The following UQCC2 variants were observed in gnomAD, a reference collection of about 807,000 sequenced individuals.
UQCC2 encodes ubiquinol-cytochrome c reductase complex assembly factor 2, also known as breast cancer-associated protein SGA-81M.
Under a neutral mutation model 19.9 loss-of-function variants are expected in UQCC2, and 21 were observed. The observed-to-expected ratio is 1.05, with a 90% CI of 0.75 to 1.52. The LOEUF is 1.52. UQCC2 is among the 40% of genes most tolerant of loss of function. The pLI is 0.00. For synonymous variants in UQCC2, 57 were observed against 60.9 expected (o/e 0.94, Z 0.30); for missense variants, 135 against 157.5 (o/e 0.86, Z 0.76).
rs572698269 is a variant in UQCC2 at position 33,702,016 on chromosome 6, G to GT, written c.139-597dup. 1.7e-3 allele frequency among the ~76,000 whole-genome samples: 260 copies of GT among 151,458 alleles called. 1 individual carries two copies. The highest frequency in any genetic ancestry group is 6.0e-3 in the African/African-American group (246 of 41,176). Reference sequence around the variant, plus strand: ...TCAGGCCAGACCAGTAGATTCTTTTGTTTTTTTTGAGACAGTCTCTCACTC... The same window carrying GT: ...TCAGGCCAGACCAGTAGATTCTTTTGTTTTTTTTTGAGACAGTCTCTCACTC... On this transcript the variant is annotated intron_variant, in intron 1 of 3. Coordinates refer to ENST00000607484, the MANE Select transcript of UQCC2 (RefSeq NM_032340.4).
Position 33,697,450 on chromosome 6 carries a change from C to T in UQCC2, c.*203G>A. ...TCCTCTCCCCAGGAGATTTCCCTAC[C>T]CTGAGCAGCAGTCACAGCAGATAGC... On this transcript the variant is annotated 3_prime_UTR_variant, in exon 4 of 4. Coordinates refer to ENST00000607484, the MANE Select transcript of UQCC2 (RefSeq NM_032340.4). The T allele has an allele frequency of 1.8e-6, 1 of 543,122 alleles. No homozygotes were observed. Among genetic ancestry groups the T allele is most frequent in the Non-Finnish European group, 3.2e-6 (1 of 310,728 alleles). 33.6% of individuals were successfully genotyped at this position (543,122 alleles called of 1,614,324 possible). A position where few individuals can be genotyped will look rare whatever the true frequency, so the allele number is the denominator to read the frequency against.
At chr6:33,700,800 G>C (rs1016208631) in intron 2 of UQCC2, among the ~76,000 whole-genome samples, 1 of 152,238 alleles carries the variant, frequency 6.6e-6, no homozygotes, top group Non-Finnish European at 1.5e-5. Context: ...TGCCCATGCT[G>C]CTGCTCATGG....
At chr6:33,700,625 G>C (rs1321713519) in intron 2 of UQCC2, 112 bp from the exon 3 acceptor site, 4 of 1,108,128 alleles carry the variant, frequency 3.6e-6, no homozygotes, top group Non-Finnish European at 5.4e-6. Flanking sequence ...AGGAGGCCTA[G>C]CAAGGAGAAG....
chr6:33,708,304 G>A (rs1470933241), intron 1 of UQCC2, among the ~76,000 whole-genome samples: 1 of 152,226 alleles, frequency 6.6e-6, no homozygotes, highest in Non-Finnish European at 1.5e-5. Context: ...GAAAGGCCAG[G>A]CACCCAGGAG....
chr6:33,710,274 C>A (rs1045681425), intron 1 of UQCC2, among the ~76,000 whole-genome samples: 3 of 152,180 alleles, frequency 2.0e-5, no homozygotes, highest in Non-Finnish European at 4.4e-5. Context: ...ATAGCCCACT[C>A]ACCACATACA....
Position 33,700,514 on chromosome 6 carries a change from C to T in UQCC2, c.214-1G>A, listed in dbSNP as rs1765626607. 1.2e-6 allele frequency: 2 copies of T among 1,614,028 alleles called. No individual in the cohort carries two copies. Among genetic ancestry groups the T allele is most frequent in the Non-Finnish European group, 1.7e-6 (2 of 1,180,020 alleles). ...AGCTGGTGTCTCTGGGGCGAGGGTA[C>T]TGGTCACCGGGGCAGAAAGGAAGTG... On this transcript the variant is annotated splice_acceptor_variant, in intron 2 of 3. Transcript: ENST00000607484. LOFTEE classifies it high-confidence loss of function.
intron 1 of UQCC2, among the ~76,000 whole-genome samples, chr6:33,711,227 A>C (rs1302747716): frequency 6.6e-6 from 1 of 152,152 alleles, no homozygotes; most frequent in African/African-American, 2.4e-5. Context: ...TATGTTGCCC[A>C]GGAGGTCATC....
intron 1 of UQCC2, among the ~76,000 whole-genome samples, chr6:33,709,103 T>C (rs1765734765): frequency 6.6e-6 from 1 of 152,234 alleles, no homozygotes; most frequent in Non-Finnish European, 1.5e-5. Flanking sequence ...TGCTGGCTCC[T>C]CTTACACTAA....
intron 1 of UQCC2, among the ~76,000 whole-genome samples, chr6:33,707,835 C>G (rs1193053653): frequency 6.6e-6 from 1 of 152,236 alleles, no homozygotes; most frequent in Non-Finnish European, 1.5e-5. Context: ...TGTTCTTAGA[C>G]AAACTGTATT....
intron 3 of UQCC2, among the ~76,000 whole-genome samples, chr6:33,699,655 C>T (rs1457132339): frequency 1.3e-5 from 2 of 152,200 alleles, no homozygotes; most frequent in Non-Finnish European, 2.9e-5. Context: ...TAGCAGGTGA[C>T]ACCACCAGGT....
intron 1 of UQCC2, among the ~76,000 whole-genome samples, chr6:33,704,052 C>A (rs1176819711): frequency 6.6e-6 from 1 of 152,206 alleles, no homozygotes; most frequent in African/African-American, 2.4e-5. Flanking sequence ...ATAGCCCCTA[C>A]GTCCCCGGTG....
rs1765569001 is a variant in UQCC2 at position 33,697,012 on chromosome 6, A to T, written c.*641T>A. 1 of 152,336 alleles carries T rather than the reference A, an allele frequency of 6.6e-6. No individual in the cohort carries two copies. The allele number at this position is 152,336 out of a possible 1,614,324, so 9.4% of individuals were successfully genotyped here. A position where few individuals can be genotyped will look rare whatever the true frequency, so the allele number is the denominator to read the frequency against. ...GCCTCTGACTTGTGGCCACCTACAG[A>T]ACCTGCCCACAGTGCTGAAGCCAAC... On this transcript the variant is annotated 3_prime_UTR_variant, in exon 4 of 4. Transcript: ENST00000607484.
chr6:33,711,594 C>T lies in UQCC2; in HGVS notation c.93G>A (p.Leu31=), dbSNP rs745403238. ...GAAAGGCCTGTGCTACCCGCTGTCG[C>T]AGGTAAGCGCCCAAGTCCCGGCCCC... ...TKRGRDLGAY[L]RQRVAQAFRE... Residue 31 remains leucine, a synonymous_variant, in exon 1 of 4, where the codon CTG becomes CTA. Transcript: ENST00000607484. 2.5e-6 allele frequency: 4 copies of T among 1,613,988 alleles called. No individual in the cohort carries two copies. The Admixed American group carries it at 6.7e-5, about 27-fold the overall frequency.
chr6:33,700,175 C>A (rs779653176), intron 3 of UQCC2, among the ~76,000 whole-genome samples: 1 of 152,206 alleles, frequency 6.6e-6, no homozygotes, highest in Non-Finnish European at 1.5e-5. Flanking sequence ...CAACTACTTC[C>A]ATTTGGCAAA....
chr6:33,702,635 A>C lies in UQCC2; in HGVS notation c.139-1215T>G, dbSNP rs192097289. Reference sequence around the variant, plus strand: ...GAGGAGGTGTGGTCTTTTCTCTTGCACCTCTTCTAACTTTCCCTTTACTCT... The same window carrying C: ...GAGGAGGTGTGGTCTTTTCTCTTGCCCCTCTTCTAACTTTCCCTTTACTCT... On this transcript the variant is annotated intron_variant, in intron 1 of 3. Coordinates refer to ENST00000607484, the MANE Select transcript of UQCC2 (RefSeq NM_032340.4). Among the ~76,000 whole-genome samples the C allele has an allele frequency of 1.9e-3, 294 of 152,166 alleles. 1 individual carries two copies. Among genetic ancestry groups the C allele is most frequent in the African/African-American group, 6.6e-3 (272 of 41,488 alleles).
At chr6:33,698,661 G>A (rs965476695) in intron 3 of UQCC2, 2 of 152,080 alleles carry the variant, frequency 1.3e-5, no homozygotes, top group African/African-American at 2.4e-5. Context: ...ATAATTTTTC[G>A]TCGTGGGCTG....
chr6:33,709,294 T>C (rs1765737533), intron 1 of UQCC2, among the ~76,000 whole-genome samples: 1 of 152,226 alleles, frequency 6.6e-6, no homozygotes, highest in East Asian at 1.9e-4. Context: ...CAAATATTCC[T>C]TTCTCACTCT....
intron 3 of UQCC2, 63 bp downstream of exon 3, chr6:33,700,381 T>C (rs564900012): frequency 5.7e-6 from 9 of 1,569,200 alleles, no homozygotes; most frequent in Admixed American, 1.7e-5. Flanking sequence ...ACAATTCCCC[T>C]TGGCCACTCA....
At chr6:33,704,191 C>G (rs1765672584) in intron 1 of UQCC2, among the ~76,000 whole-genome samples, 2 of 152,190 alleles carry the variant, frequency 1.3e-5, no homozygotes, top group African/African-American at 4.8e-5. Flanking sequence ...AGGCCCCTGT[C>G]TCATAAAATA....
Sources: allele counts gnomAD v4.1 joint callset (sites outside exome capture counted in the v4.1 genomes callset), GRCh38; gene constraint gnomAD v4.1.1; transcripts MANE v1.5; gene names NCBI Gene and HGNC (gene_info 2026-07-23, HGNC 2026-07-21).